PER2: variants seen among roughly 807,000 people sequenced by gnomAD.
PER2 encodes period circadian regulator 2.
In PER2, 66 loss-of-function variants were observed where a neutral mutation model predicts 121.0. That is an observed-to-expected ratio of 0.55 (90% CI 0.45 to 0.67). PER2 has a LOEUF of 0.67. PER2 is among the 30% of genes least tolerant of loss of function. The probability of loss-of-function intolerance (pLI) is 0.00; values close to 1 mark genes in which losing one functional copy is unlikely to be tolerated. For synonymous variants in PER2, 684 were observed against 659.9 expected (o/e 1.04, Z -0.56); for missense variants, 1,521 against 1,635.0 (o/e 0.93, Z 1.20).
At chr2:238,282,756 A>G (rs957751173) in intron 1 of PER2, among the ~76,000 whole-genome samples, 23 of 152,010 alleles carry the variant, frequency 1.5e-4, no homozygotes, top group African/African-American at 5.6e-4. Context: ...ATTAGGGGGA[A>G]ACAGACAATA....
At chr2:238,271,582 G>C in intron 5 of PER2, 69 bp from the exon 6 acceptor site, 1 of 1,289,608 alleles carries the variant, frequency 7.8e-7, no homozygotes, top group Non-Finnish European at 1.1e-6. Flanking sequence ...GACTCAGGCA[G>C]GCAGGCTGGA....
chr2:238,284,240 C>A (rs969210439), intron 1 of PER2, among the ~76,000 whole-genome samples: 1 of 151,956 alleles, frequency 6.6e-6, no homozygotes, highest in Non-Finnish European at 1.5e-5. Context: ...GTCAGGAGTT[C>A]GCAACCAGCC....
chr2:238,297,035 T>C, the PER2 span, among the ~76,000 whole-genome samples: 1 of 152,240 alleles, frequency 6.6e-6, no homozygotes, highest in East Asian at 1.9e-4. Flanking sequence ...GTGACTGGCC[T>C]CAAAGGAAGA....
chr2:238,284,890 G>A (rs558114480), intron 1 of PER2, among the ~76,000 whole-genome samples: 3 of 152,318 alleles, frequency 2.0e-5, no homozygotes, highest in Admixed American at 2.0e-4. Context: ...TGAGAAGCTG[G>A]CAAAACCAAC....
rs936789272 is a variant in PER2 at position 238,245,852 on chromosome 2, G to A, written c.*523C>T. ...CACACCATTTAATGTGAAACGTTTT[G>A]AAATAAAACTAGGAGAGGCTGCTAT... On this transcript the variant is annotated 3_prime_UTR_variant, in exon 23 of 23. Coordinates refer to ENST00000254657, the MANE Select transcript of PER2 (RefSeq NM_022817.3). 5.4e-5 allele frequency: 21 copies of A among 392,314 alleles called. No homozygotes were observed. Among genetic ancestry groups the A allele is most frequent in the Non-Finnish European group, 8.5e-5 (19 of 222,780 alleles). 24.3% of individuals were successfully genotyped at this position (392,314 alleles called of 1,614,324 possible). A position where few individuals can be genotyped will look rare whatever the true frequency, so the allele number is the denominator to read the frequency against.
Position 238,268,001 on chromosome 2 carries a change from T to C in PER2, c.967+55A>G. The C allele has an allele frequency of 3.1e-6, 5 of 1,598,022 alleles. No individual in the cohort carries two copies. Among genetic ancestry groups the C allele is most frequent in the Non-Finnish European group, 4.3e-6 (5 of 1,169,810 alleles). On this transcript the variant is annotated intron_variant, in intron 8 of 22. Transcript: ENST00000254657. This position sits in a 1 kb window ranked among gnomAD's most constrained non-coding sequence, Gnocchi z 4.0. ...AGATGTTATGTGTGAACCACAGGAG[T>C]AACTGAGGGGGAGCCAGAGACAACA...
chr2:238,262,810 G>T, intron 10 of PER2, 142 bp downstream of exon 10: 1 of 693,458 alleles, frequency 1.4e-6, no homozygotes, highest in Non-Finnish European at 2.6e-6. Flanking sequence ...TGCCAGGAGG[G>T]AGGCGGCGAG....
At position 238,258,385 on chromosome 2, in the gene PER2, G is replaced by A. The variant is rs371871358; in HGVS notation, c.1791C>T (p.Cys597=). ...TCCTCTTCAGGGTGGCAGCCTCATTGCAGCTCTCCAAGTACCTGTGTGAAA... is the reference window on the plus strand; with the variant it reads ...TCCTCTTCAGGGTGGCAGCCTCATTACAGCTCTCCAAGTACCTGTGTGAAA... ...LDSVIRYLES[C]NEAATLKRKC... is the part of the protein sequence containing the mutation. Residue 597 remains cysteine, a synonymous_variant, in exon 16 of 23, where the codon TGC becomes TGT. Transcript: ENST00000254657. 3.7e-6 allele frequency: 6 copies of A among 1,614,050 alleles called. No individual in the cohort carries two copies. Among genetic ancestry groups the A allele is most frequent in the Non-Finnish European group, 5.1e-6 (6 of 1,180,042 alleles).
chr2:238,272,373 C>T (rs1696316460), intron 5 of PER2, among the ~76,000 whole-genome samples: 3 of 152,370 alleles, frequency 2.0e-5, no homozygotes, highest in South Asian at 4.1e-4. Flanking sequence ...GTTCTAGGGG[C>T]TTCCTGGGGA....
At position 238,251,592 on chromosome 2, in the gene PER2, A is replaced by T; in HGVS notation, c.3274+7T>A. ...AAGTGCCTAACACCCCGCCAGGGCC[A>T]ACATACCTGCCCCACTCGGGGAGGC... On this transcript the variant is annotated splice_region_variant and intron_variant, in intron 20 of 22. Transcript: ENST00000254657. The T allele has an allele frequency of 6.2e-7, 1 of 1,613,852 alleles. No homozygotes were observed. Among genetic ancestry groups the T allele is most frequent in the Non-Finnish European group, 8.5e-7 (1 of 1,179,836 alleles).
intron 6 of PER2, among the ~76,000 whole-genome samples, chr2:238,270,921 C>CA (rs1337813021): frequency 1.3e-5 from 2 of 152,238 alleles, no homozygotes; most frequent in Non-Finnish European, 2.9e-5. Flanking sequence ...GGATATGACC[C>CA]ACTCACTGGT....
chr2:238,252,859 C>T lies in PER2; in HGVS notation c.3111+53G>A, dbSNP rs1695644454. On this transcript the variant is annotated intron_variant, in intron 19 of 22. Coordinates refer to ENST00000254657, the MANE Select transcript of PER2 (RefSeq NM_022817.3). The surrounding 1 kb of genome is among the most constrained non-coding windows in gnomAD (Gnocchi z 4.2). ...AACTGAGGATGTGCGGCCGGCCTGCCAGGTGTGCTGTTTGCTGCCTGCTTT... is the reference window on the plus strand; with the variant it reads ...AACTGAGGATGTGCGGCCGGCCTGCTAGGTGTGCTGTTTGCTGCCTGCTTT... 6 of 1,492,076 alleles carry T rather than the reference C, an allele frequency of 4.0e-6. No homozygotes were observed. Among genetic ancestry groups the T allele is most frequent in the Middle Eastern group, 2.3e-4 (1 of 4,326 alleles). 92.4% of individuals were successfully genotyped at this position (1,492,076 alleles called of 1,614,324 possible).
At chr2:238,277,005 A>AT (rs1482553529) in intron 3 of PER2, 126 bp downstream of exon 3, 2 of 793,738 alleles carry the variant, frequency 2.5e-6, no homozygotes, top group Non-Finnish European at 4.6e-6. Context: ...TCGTACCCAC[A>AT]TAGCCACACA....
In PER2 at chr2:238,246,522, T is replaced by C. The variant is rs932037120; in HGVS notation, c.3621A>G (p.Glu1207=). 8 of 1,554,316 alleles carry C rather than the reference T, an allele frequency of 5.1e-6. No homozygotes were observed. Among genetic ancestry groups the C allele is most frequent in the Non-Finnish European group, 5.3e-6 (6 of 1,126,218 alleles). Residue 1207 remains glutamate (E), a splice_region_variant and synonymous_variant, in exon 23 of 23, where the codon GAA becomes GAG. Coordinates refer to ENST00000254657, the MANE Select transcript of PER2 (RefSeq NM_022817.3). ...TTTCCTTGTTTTCACAGTAAACACA[T>C]TCCTTAAAAGAAAAAAAAAGAGAAA... ...GGLPAAIDVA[E]CVYCENKEKG...
rs547034369 is a variant in PER2 at position 238,245,620 on chromosome 2, G to A, written c.*755C>T. The A allele has an allele frequency of 2.5e-5, 10 of 398,516 alleles. No individual in the cohort carries two copies. Among genetic ancestry groups the A allele is most frequent in the Non-Finnish European group, 4.0e-5 (9 of 226,084 alleles). 24.7% of individuals were successfully genotyped at this position (398,516 alleles called of 1,614,324 possible). A position where few individuals can be genotyped will look rare whatever the true frequency, so the allele number is the denominator to read the frequency against. ...TTTAATCTCCATATTGGCCATCATG[G>A]TCTGAAAAGGAGACAAGAATAATGC... On this transcript the variant is annotated 3_prime_UTR_variant, in exon 23 of 23. Coordinates refer to ENST00000254657, the MANE Select transcript of PER2 (RefSeq NM_022817.3).
intron 22 of PER2, 43 bp from the exon 23 acceptor site, chr2:238,246,567 C>G (rs112116866): frequency 1.4e-6 from 2 of 1,402,608 alleles, no homozygotes; most frequent in Non-Finnish European, 2.0e-6. Flanking sequence ...AACTTGAGAT[C>G]TGAGTTGTTA....
chr2:238,259,862 A>G lies in PER2; in HGVS notation c.1627+107T>C, dbSNP rs1026711208. 31 of 685,802 alleles carry G rather than the reference A, an allele frequency of 4.5e-5. 1 individual carries two copies. In the South Asian group the frequency reaches 4.6e-4, roughly 10 times the overall value. The allele number at this position is 685,802 out of a possible 1,614,324, so 42.5% of individuals were successfully genotyped here. ...GCAGAAGGGGGTGTGACACGGCTAC[A>G]AGGTAGACTCCCTGCCAGCCAGAGT... On this transcript the variant is annotated intron_variant, in intron 14 of 22. Transcript: ENST00000254657.
chr2:238,261,373 T>C (rs1438457085), intron 12 of PER2: 2 of 393,556 alleles, frequency 5.1e-6, no homozygotes, highest in South Asian at 3.0e-5. Flanking sequence ...TTGAGTACAA[T>C]GTCCCTCCCT....
rs1205503414 is a variant in PER2 at position 238,278,086 on chromosome 2, G to GTCTCTCTGTC, written c.-19-132_-19-131insGACAGAGAGA. On this transcript the variant is annotated intron_variant, in intron 1 of 22. Transcript: ENST00000254657. The stretch of plus-strand genomic sequence containing the variant: ...TGCAGTCTCTTTCTTTCTTCTCTCT[G>GTCTCTCTGTC]TCTCTCTCTCTCTCTCTTTCTTTCT... 2.2e-4 allele frequency: 205 copies of GTCTCTCTGTC among 935,608 alleles called. 1 individual carries two copies. Among genetic ancestry groups the GTCTCTCTGTC allele is most frequent in the African/African-American group, 2.0e-3 (118 of 60,030 alleles). The allele number at this position is 935,608 out of a possible 1,614,324, so 58.0% of individuals were successfully genotyped here. A position where few individuals can be genotyped will look rare whatever the true frequency, so the allele number is the denominator to read the frequency against.
Sources: allele counts gnomAD v4.1 joint callset (sites outside exome capture counted in the v4.1 genomes callset), GRCh38; gene constraint gnomAD v4.1.1; non-coding constraint Gnocchi (gnomAD v3.1); transcripts MANE v1.5; gene names NCBI Gene and HGNC (gene_info 2026-07-23, HGNC 2026-07-21).